The following KIF16B variants were observed in gnomAD, a reference collection of about 807,000 sequenced individuals.
KIF16B encodes kinesin-like protein KIF16B.
KIF16B carries 98 observed loss-of-function variants against 156.3 expected under a neutral mutation model. The ratio of observed to expected loss-of-function variants is 0.63; its 90% CI spans 0.53 to 0.74. KIF16B has a LOEUF of 0.74. Among genes scored for constraint, KIF16B ranks in the 30% least tolerant of loss-of-function variants. The pLI, the probability that KIF16B is intolerant of heterozygous loss-of-function variation, is 0.00. For synonymous variants in KIF16B, 564 were observed against 583.7 expected (o/e 0.97, Z 0.49); for missense variants, 1,421 against 1,606.5 (o/e 0.88, Z 1.97).
At chr20:16,488,824 G>A (rs547216167) in intron 12 of KIF16B, among the ~76,000 whole-genome samples, 4 of 152,178 alleles carry the variant, frequency 2.6e-5, no homozygotes, top group East Asian at 3.9e-4. Context: ...TCACACTGAG[G>A]CAGCATTCTA....
chr20:16,466,681 A>G (rs2067500530), intron 12 of KIF16B, among the ~76,000 whole-genome samples: 1 of 152,228 alleles, frequency 6.6e-6, no homozygotes, highest in Non-Finnish European at 1.5e-5. Context: ...TTTATAAATT[A>G]CCCAGTCTTG....
At chr20:16,545,600 G>C (rs1392284105) in intron 1 of KIF16B, among the ~76,000 whole-genome samples, 4 of 152,168 alleles carry the variant, frequency 2.6e-5, no homozygotes, top group Admixed American at 2.6e-4. Flanking sequence ...GGGAGGCAGA[G>C]GTTGTAGTGA....
At chr20:16,395,757 AG>A (rs1007620198) in intron 17 of KIF16B, among the ~76,000 whole-genome samples, 1 of 152,126 alleles carries the variant, frequency 6.6e-6, no homozygotes. Flanking sequence ...CCTAGACTCT[AG>A]GGCCTGTGAA....
At position 16,481,992 on chromosome 20, in the gene KIF16B, C is replaced by T. The variant is rs142023855; in HGVS notation, c.1302+12299G>A. On this transcript the variant is annotated intron_variant, in intron 12 of 25. Coordinates refer to ENST00000354981, the MANE Select transcript of KIF16B (RefSeq NM_024704.5). ...CATCTTACAGTGAGGTTCTGGGGAA[C>T]AGAAAGTGACCTGTGACCATGGTCA... is the stretch of plus-strand genomic sequence containing the variant. Among the ~76,000 whole-genome samples, 1,396 of 152,162 alleles carry T rather than the reference C, an allele frequency of 9.2e-3. 28 individuals are homozygous for T. The highest frequency in any genetic ancestry group is 0.032 in the African/African-American group (1,329 of 41,518).
intron 23 of KIF16B, among the ~76,000 whole-genome samples, chr20:16,344,496 G>A (rs981050933): frequency 1.6e-4 from 25 of 152,016 alleles, no homozygotes; most frequent in African/African-American, 5.8e-4. Context: ...CCTTTCTCTT[G>A]GATCAATTAC....
At chr20:16,419,591 T>C (rs1426970465) in intron 15 of KIF16B, among the ~76,000 whole-genome samples, 1 of 152,150 alleles carries the variant, frequency 6.6e-6, no homozygotes, top group Non-Finnish European at 1.5e-5. Context: ...AAGTATAAAT[T>C]TCCCAGATGC....
intron 1 of KIF16B, among the ~76,000 whole-genome samples, chr20:16,537,893 G>A (rs1331272694): frequency 2.0e-5 from 3 of 151,598 alleles, no homozygotes; most frequent in South Asian, 2.1e-4. Context: ...TAGTAGAGAC[G>A]GGGTTTCTCC....
intron 23 of KIF16B, 79 bp downstream of exon 23, chr20:16,356,251 C>A: frequency 4.5e-6 from 7 of 1,569,016 alleles, no homozygotes. Context: ...CTTCATCCCC[C>A]TTTTGAAAAA....
At position 16,431,910 on chromosome 20, in the gene KIF16B, G is replaced by T. The variant is rs941589327; in HGVS notation, c.1303-1928C>A. ...ATATACTATCCATTTATATGTATACGTATACACACACACACACACACACAC... is the reference window on the plus strand; with the variant it reads ...ATATACTATCCATTTATATGTATACTTATACACACACACACACACACACAC... On this transcript the variant is annotated intron_variant, in intron 12 of 25. Transcript: ENST00000354981. 8.9e-5 allele frequency among the ~76,000 whole-genome samples: 5 copies of T among 56,292 alleles called. No homozygotes were observed. The East Asian group carries it at 2.5e-3, about 28-fold the overall frequency. The allele number at this position is 56,292 out of a possible 152,430, so 36.9% of individuals were successfully genotyped here.
intron 1 of KIF16B, among the ~76,000 whole-genome samples, chr20:16,558,563 A>C (rs1394785532): frequency 6.6e-6 from 1 of 152,194 alleles, no homozygotes; most frequent in Non-Finnish European, 1.5e-5. Context: ...ATCTGTTTAC[A>C]TGGCAAAAGA....
intron 12 of KIF16B, among the ~76,000 whole-genome samples, chr20:16,475,869 A>G (rs1054188034): frequency 5.3e-5 from 8 of 152,354 alleles, no homozygotes; most frequent in South Asian, 4.1e-4. Flanking sequence ...TTGAAGCAAG[A>G]TTAGAAAAAT....
intron 10 of KIF16B, among the ~76,000 whole-genome samples, chr20:16,501,391 A>C (rs2068621869): frequency 6.6e-6 from 1 of 151,962 alleles, no homozygotes; most frequent in East Asian, 1.9e-4. Flanking sequence ...GCACTTCTAT[A>C]CACTGATGGT....
At chr20:16,304,916 A>G (rs2063520270) in intron 25 of KIF16B, among the ~76,000 whole-genome samples, 1 of 152,228 alleles carries the variant, frequency 6.6e-6, no homozygotes, top group Non-Finnish European at 1.5e-5. Context: ...AGGAAAAACT[A>G]GGCTGTGTGT....
At chr20:16,509,625 G>A (rs1395224237) in intron 6 of KIF16B, among the ~76,000 whole-genome samples, 1 of 152,154 alleles carries the variant, frequency 6.6e-6, no homozygotes, top group Admixed American at 6.5e-5. Context: ...TCTACAAACA[G>A]CCTAGTCATA....
At chr20:16,558,574 T>C (rs2070939514) in intron 1 of KIF16B, among the ~76,000 whole-genome samples, 1 of 152,208 alleles carries the variant, frequency 6.6e-6, no homozygotes. Context: ...TGGCAAAAGA[T>C]AAACTTCTTT....
intron 25 of KIF16B, among the ~76,000 whole-genome samples, chr20:16,283,298 C>G (rs2063174784): frequency 6.6e-6 from 1 of 152,230 alleles, no homozygotes; most frequent in South Asian, 2.1e-4. Context: ...AGGCCACTGT[C>G]ATGGTCAGTT....
chr20:16,347,123 G>A (rs1163847104), intron 23 of KIF16B, among the ~76,000 whole-genome samples: 2 of 152,152 alleles, frequency 1.3e-5, no homozygotes, highest in Non-Finnish European at 2.9e-5. Flanking sequence ...AAAAAAATGC[G>A]AAGAGACTAG....
intron 12 of KIF16B, among the ~76,000 whole-genome samples, chr20:16,492,580 T>A (rs2068327413): frequency 6.6e-6 from 1 of 151,868 alleles, no homozygotes; most frequent in South Asian, 2.1e-4. Context: ...GAATTTAACT[T>A]CAGGACCCAA....
At chr20:16,397,252 C>A (rs1461344627) in intron 17 of KIF16B, among the ~76,000 whole-genome samples, 3 of 152,202 alleles carry the variant, frequency 2.0e-5, no homozygotes. Context: ...TGGCTGGGCA[C>A]CTCTCCAATG....
Sources: gnomAD v4.1 joint callset for allele counts (sites outside exome capture counted in the v4.1 genomes callset) on GRCh38, gnomAD v4.1.1 for gene constraint, MANE v1.5 for transcripts, NCBI Gene and HGNC (gene_info 2026-07-23, HGNC 2026-07-21) for gene names.